The following CFAP20DC variants were observed in gnomAD, a reference collection of about 807,000 sequenced individuals.
CFAP20DC encodes the protein protein CFAP20DC.
CFAP20DC carries 84 observed loss-of-function variants against 101.7 expected under a neutral mutation model. That is an observed-to-expected ratio of 0.83 (90% CI 0.69 to 0.99). The LOEUF is 0.99. Among genes scored for constraint, CFAP20DC ranks in the 50% least tolerant of loss-of-function variants. The pLI, the probability that CFAP20DC is intolerant of heterozygous loss-of-function variation, is 0.00. For missense variants in CFAP20DC, 1,007 were observed against 970.3 expected, an observed-to-expected ratio of 1.04 and a Z score of -0.50; for synonymous variants, 359 against 351.2, an observed-to-expected ratio of 1.02 and a Z score of -0.25.
At chr3:58,940,578 C>A (rs1466478764) in intron 4 of CFAP20DC, among the ~76,000 whole-genome samples, 1 of 152,126 alleles carries the variant, frequency 6.6e-6, no homozygotes, top group Non-Finnish European at 1.5e-5. Flanking sequence ...AATCAGTTGA[C>A]CATAAATATA....
chr3:58,806,613 C>G (rs900218676), intron 14 of CFAP20DC, among the ~76,000 whole-genome samples, 157 bp from the exon 15 acceptor site: 2 of 152,192 alleles, frequency 1.3e-5, no homozygotes. Flanking sequence ...AGGAACAGCT[C>G]CAGTGTACAG....
intron 15 of CFAP20DC, among the ~76,000 whole-genome samples, chr3:58,782,410 G>A (rs1001087550): frequency 4.6e-5 from 7 of 151,876 alleles, no homozygotes; most frequent in African/African-American, 7.2e-5. Flanking sequence ...CCTGTTCAAC[G>A]TAATACTGGA....
At chr3:58,787,071 A>C (rs1575638093) in intron 15 of CFAP20DC, among the ~76,000 whole-genome samples, 1 of 151,990 alleles carries the variant, frequency 6.6e-6, no homozygotes, top group African/African-American at 2.4e-5. Context: ...ATATTATTTC[A>C]GATAGAAAAC....
chr3:58,989,947 A>G (rs1434604450), intron 4 of CFAP20DC, among the ~76,000 whole-genome samples: 1 of 152,226 alleles, frequency 6.6e-6, no homozygotes, highest in Non-Finnish European at 1.5e-5. Context: ...CAAAAGAGTC[A>G]AGAGTTAATC....
At chr3:59,000,935 C>T (rs771615158) in intron 4 of CFAP20DC, among the ~76,000 whole-genome samples, 7 of 151,816 alleles carry the variant, frequency 4.6e-5, no homozygotes, top group Non-Finnish European at 7.4e-5. Context: ...AAAGACATCA[C>T]CCAGTGAGAA....
intron 11 of CFAP20DC, 53 bp downstream of exon 11, chr3:58,866,513 C>T (rs1004761245): frequency 6.4e-6 from 9 of 1,396,218 alleles, no homozygotes; most frequent in Middle Eastern, 1.9e-4. Context: ...AAATATTTAC[C>T]ATATTTACAT....
intron 15 of CFAP20DC, among the ~76,000 whole-genome samples, chr3:58,786,615 C>T (rs746246386): frequency 6.6e-6 from 1 of 151,866 alleles, no homozygotes; most frequent in Non-Finnish European, 1.5e-5. Context: ...ATTATCAGAT[C>T]GTCCGTGATA....
At chr3:58,823,260 C>A (rs2075813228) in intron 14 of CFAP20DC, among the ~76,000 whole-genome samples, 1 of 152,044 alleles carries the variant, frequency 6.6e-6, no homozygotes, top group Admixed American at 6.6e-5. Context: ...TATTTTTCCT[C>A]CCCTACAATA....
In CFAP20DC at chr3:58,799,627, C is replaced by T. The variant is rs989121928; in HGVS notation, c.2237+6768G>A. On this transcript the variant is annotated intron_variant, in intron 15 of 16. Coordinates refer to ENST00000482387, the MANE Select transcript of CFAP20DC (RefSeq NM_001394063.1). The surrounding 1 kb of genome is among the most constrained non-coding windows in gnomAD (Gnocchi z 4.9). ...TCCTATGTGCTTGGCAAGTATATCC[C>T]TTGAAACTAGGGAGACACTGAACAA... 6.6e-6 allele frequency among the ~76,000 whole-genome samples: 1 copy of T among 152,052 alleles called. No homozygotes were observed. The highest frequency in any genetic ancestry group is 2.4e-5 in the African/African-American group (1 of 41,380).
At chr3:58,865,492 C>T (rs1576014154) in intron 11 of CFAP20DC, among the ~76,000 whole-genome samples, 1 of 152,140 alleles carries the variant, frequency 6.6e-6, no homozygotes, top group African/African-American at 2.4e-5. Flanking sequence ...CAATGGCAGG[C>T]TGAGTCTAGT....
intron 6 of CFAP20DC, among the ~76,000 whole-genome samples, chr3:58,898,333 C>T (rs2082845155): frequency 6.6e-6 from 1 of 152,054 alleles, no homozygotes; most frequent in South Asian, 2.1e-4. Context: ...CATCAGCATG[C>T]CCGGCTAATT....
intron 15 of CFAP20DC, among the ~76,000 whole-genome samples, chr3:58,791,068 G>A (rs947689165): frequency 2.0e-5 from 3 of 152,110 alleles, no homozygotes; most frequent in African/African-American, 7.2e-5. Flanking sequence ...AATGGAATGG[G>A]CTGTCTTCTG....
chr3:58,741,239 T>A (rs2067874751), downstream of CFAP20DC, among the ~76,000 whole-genome samples: 1 of 152,150 alleles, frequency 6.6e-6, no homozygotes, highest in Non-Finnish European at 1.5e-5. Context: ...TTGAGCTCAA[T>A]ATTAATATAG....
At chr3:59,038,769 G>GA (rs1232044409) in intron 4 of CFAP20DC, among the ~76,000 whole-genome samples, 2 of 151,552 alleles carry the variant, frequency 1.3e-5, no homozygotes, top group African/African-American at 2.4e-5. Flanking sequence ...TGGCTTCACT[G>GA]AAAAAAAATC....
rs2067472543 is a variant in CFAP20DC at position 58,721,474 on chromosome 3, T to TC, written c.198-3847dup. On this transcript the variant is annotated intron_variant, in intron 3 of 3. Transcript: ENST00000486145. The surrounding 1 kb of genome is among the most constrained non-coding windows in gnomAD (Gnocchi z 5.2). Reference sequence around the variant, plus strand: ...CTAATGAAGAAGGTCAGGGAAGTTTTCCACAAAGAAGCGATATTTAAGCTG... The same window carrying TC: ...CTAATGAAGAAGGTCAGGGAAGTTTTCCCACAAAGAAGCGATATTTAAGCTG... Among the ~76,000 whole-genome samples, 1 of 152,142 alleles carries TC rather than the reference T, an allele frequency of 6.6e-6. No homozygotes were observed. The highest frequency in any genetic ancestry group is 2.1e-4 in the South Asian group (1 of 4,806).
chr3:58,949,455 A>T (rs1416186343), intron 4 of CFAP20DC, among the ~76,000 whole-genome samples: 1 of 151,874 alleles, frequency 6.6e-6, no homozygotes, highest in Admixed American at 6.6e-5. Flanking sequence ...ACTGCTTTGA[A>T]TGCGTCCCAG....
chr3:58,854,659 T>C (rs1302534526), intron 12 of CFAP20DC, among the ~76,000 whole-genome samples: 31 of 151,460 alleles, frequency 2.0e-4, no homozygotes, highest in African/African-American at 7.3e-4. Flanking sequence ...TGGAACAGAA[T>C]AGAGCCCTCA....
At position 59,049,605 on chromosome 3, in the gene CFAP20DC, G is replaced by A; in HGVS notation, c.21+6C>T. The A allele has an allele frequency of 6.5e-7, 1 of 1,536,044 alleles. No homozygotes were observed. Among genetic ancestry groups the A allele is most frequent in the Non-Finnish European group, 8.7e-7 (1 of 1,146,800 alleles). Reference sequence around the variant, plus strand: ...ATAGACAGGTTGGAGAACCGTTTCGGGTTACCTGGTACTCATTTTTGAACA... The same window carrying A: ...ATAGACAGGTTGGAGAACCGTTTCGAGTTACCTGGTACTCATTTTTGAACA... On this transcript the variant is annotated splice_donor_region_variant and intron_variant, in intron 1 of 16. Coordinates refer to ENST00000482387, the MANE Select transcript of CFAP20DC (RefSeq NM_001394063.1).
At chr3:59,038,261 C>A (rs1487752883) in intron 4 of CFAP20DC, among the ~76,000 whole-genome samples, 3 of 152,028 alleles carry the variant, frequency 2.0e-5, no homozygotes, top group African/African-American at 7.2e-5. Context: ...GCACATGTAT[C>A]CCATAACTTA....
Sources: gnomAD v4.1 joint callset for allele counts (sites outside exome capture counted in the v4.1 genomes callset) on GRCh38, gnomAD v4.1.1 for gene constraint, Gnocchi (gnomAD v3.1) non-coding constraint, MANE v1.5 for transcripts, NCBI Gene and HGNC (gene_info 2026-07-23, HGNC 2026-07-21) for gene names.